The following GPC5 variants were observed in gnomAD, a reference collection of about 807,000 sequenced individuals.
GPC5 encodes glypican-5.
Under a neutral mutation model 53.9 loss-of-function variants are expected in GPC5, and 47 were observed. The ratio of observed to expected loss-of-function variants is 0.87; its 90% confidence interval spans 0.69 to 1.11. The LOEUF (loss-of-function observed/expected upper bound fraction) is 1.11. GPC5 is among the 50% of genes most tolerant of loss of function. GPC5 has a pLI of 0.00. For missense variants in GPC5, 748 were observed against 713.1 expected (o/e 1.05, Z -0.56); for synonymous variants, 286 against 263.3 (o/e 1.09, Z -0.84).
intron 2 of GPC5, among the ~76,000 whole-genome samples, chr13:91,508,473 G>A (rs1165882357): frequency 2.0e-5 from 3 of 152,180 alleles, no homozygotes; most frequent in East Asian, 1.9e-4. Context: ...CTGAAGTAGG[G>A]GTATTTAGTT....
chr13:92,124,976 A>C (rs2041683170), intron 6 of GPC5, among the ~76,000 whole-genome samples: 1 of 152,162 alleles, frequency 6.6e-6, no homozygotes, highest in African/African-American at 2.4e-5. Context: ...CAACAAAAGT[A>C]ATGCAGCGTT....
chr13:91,610,695 T>C (rs2033520774), intron 2 of GPC5, among the ~76,000 whole-genome samples: 1 of 152,244 alleles, frequency 6.6e-6, no homozygotes, highest in Non-Finnish European at 1.5e-5. Flanking sequence ...TAAAAACTGT[T>C]ATGATTAAGT....
intron 7 of GPC5, among the ~76,000 whole-genome samples, chr13:92,664,542 T>G (rs984368026): frequency 2.0e-5 from 3 of 152,094 alleles, no homozygotes; most frequent in Non-Finnish European, 2.9e-5. Context: ...TTACTAAAAA[T>G]TATTGAGTTA....
At chr13:92,500,232 C>T (rs560909430) in intron 7 of GPC5, among the ~76,000 whole-genome samples, 21 of 152,212 alleles carry the variant, frequency 1.4e-4, no homozygotes, top group African/African-American at 4.6e-4. Flanking sequence ...AGATGAATAA[C>T]GTACAGTGAC....
chr13:92,389,024 G>A (rs1488255047), intron 7 of GPC5, among the ~76,000 whole-genome samples: 6 of 152,018 alleles, frequency 3.9e-5, no homozygotes, highest in Non-Finnish European at 7.4e-5. Flanking sequence ...TGTCAGTGAT[G>A]GAAAGCAGCC....
chr13:91,743,375 T>C (rs1019423972), intron 4 of GPC5, among the ~76,000 whole-genome samples: 14 of 152,176 alleles, frequency 9.2e-5, no homozygotes, highest in African/African-American at 2.7e-4. Flanking sequence ...TAATTTAAGA[T>C]AATTGAAGTT....
At chr13:91,760,420 GAAGT>G (rs2037385659) in intron 5 of GPC5, among the ~76,000 whole-genome samples, 1 of 152,168 alleles carries the variant, frequency 6.6e-6, no homozygotes, top group Non-Finnish European at 1.5e-5. Context: ...GCAGTTAGTT[GAAGT>G]AAGTAATGCC....
intron 6 of GPC5, among the ~76,000 whole-genome samples, chr13:92,136,002 G>T (rs2041781362): frequency 6.6e-6 from 1 of 152,186 alleles, no homozygotes; most frequent in African/African-American, 2.4e-5. Flanking sequence ...TTTGGTATAA[G>T]ATTTGTAAAA....
intron 7 of GPC5, among the ~76,000 whole-genome samples, chr13:92,789,476 G>T (rs1338242561): frequency 6.6e-6 from 1 of 152,008 alleles, no homozygotes; most frequent in Non-Finnish European, 1.5e-5. Context: ...TGGTAGGAAT[G>T]GTTTATTTAT....
At chr13:92,802,246 G>T (rs1876932699) in intron 7 of GPC5, among the ~76,000 whole-genome samples, 1 of 151,788 alleles carries the variant, frequency 6.6e-6, no homozygotes, top group Admixed American at 6.6e-5. Context: ...ATGCAGTTTT[G>T]CAGGCTAGGA....
intron 7 of GPC5, among the ~76,000 whole-genome samples, chr13:92,712,075 TA>T (rs1381145261): frequency 3.3e-5 from 5 of 150,618 alleles, no homozygotes; most frequent in Non-Finnish European, 1.5e-5. Context: ...TAATGAAATT[TA>T]AAACAAAAAA....
intron 7 of GPC5, among the ~76,000 whole-genome samples, chr13:92,489,304 G>A (rs142538749): frequency 6.6e-6 from 1 of 152,264 alleles, no homozygotes; most frequent in African/African-American, 2.4e-5. Context: ...GCAGGGCTAT[G>A]TCTTCGTTGC....
intron 2 of GPC5, among the ~76,000 whole-genome samples, chr13:91,511,121 T>C (rs1203998335): frequency 6.6e-6 from 1 of 152,192 alleles, no homozygotes; most frequent in Admixed American, 6.5e-5. Flanking sequence ...TAAATGATTG[T>C]CTCAGAAGCA....
Position 92,113,791 on chromosome 13 carries a change from G to A in GPC5, c.1402-31039G>A, listed in dbSNP as rs149646068. On this transcript the variant is annotated intron_variant, in intron 6 of 7. Transcript: ENST00000377067. ...AAAGGTTATTCTTGAGGAGACCAAA[G>A]TAAGACACTTTAAATAAGTATAAAG... Among the ~76,000 whole-genome samples the A allele has an allele frequency of 2.1e-3, 320 of 150,098 alleles. 4 individuals are homozygous for A. The highest frequency in any genetic ancestry group is 0.012 in the South Asian group (55 of 4,688).
chr13:92,312,333 G>A (rs2043150551), intron 7 of GPC5, among the ~76,000 whole-genome samples: 1 of 151,708 alleles, frequency 6.6e-6, no homozygotes, highest in African/African-American at 2.4e-5. Flanking sequence ...GTTGAGTGGG[G>A]GGAAAAAAAA....
intron 5 of GPC5, among the ~76,000 whole-genome samples, chr13:91,851,090 G>C (rs2138890918): frequency 6.6e-6 from 1 of 152,220 alleles, no homozygotes; most frequent in Admixed American, 6.5e-5. Flanking sequence ...TATAATCGAG[G>C]CTTGAGCAAT....
At chr13:92,373,042 A>C (rs1055809249) in intron 7 of GPC5, among the ~76,000 whole-genome samples, 68 of 152,314 alleles carry the variant, frequency 4.5e-4, no homozygotes, top group African/African-American at 1.6e-3. Context: ...AGTAGTAAAT[A>C]GTAATTGGTT....
chr13:91,612,128 G>A (rs1319834715), intron 2 of GPC5, among the ~76,000 whole-genome samples: 1 of 152,114 alleles, frequency 6.6e-6, no homozygotes, highest in African/African-American at 2.4e-5. Flanking sequence ...TGTCATATGA[G>A]ACTGAGGAAT....
intron 2 of GPC5, among the ~76,000 whole-genome samples, chr13:91,601,460 G>A (rs925199946): frequency 6.6e-6 from 1 of 152,160 alleles, no homozygotes; most frequent in African/African-American, 2.4e-5. Context: ...CTGGGCCGTG[G>A]ACCCCTACCA....
Sources: allele counts gnomAD v4.1 joint callset (sites outside exome capture counted in the v4.1 genomes callset), GRCh38; gene constraint gnomAD v4.1.1; transcripts MANE v1.5; gene names NCBI Gene and HGNC (gene_info 2026-07-23, HGNC 2026-07-21).